OSBPL10: variants seen among roughly 807,000 people sequenced by gnomAD.
The protein encoded by OSBPL10 is oxysterol-binding protein-related protein 10.
Under a neutral mutation model 81.7 loss-of-function variants are expected in OSBPL10, and 49 were observed. The observed-to-expected ratio is 0.60, with a 90% CI of 0.48 to 0.76. The LOEUF (loss-of-function observed/expected upper bound fraction) is 0.76. OSBPL10 is among the 30% of genes least tolerant of loss of function. The pLI is 0.00. For synonymous variants in OSBPL10, 419 were observed against 383.6 expected (o/e 1.09, Z -1.08); for missense variants, 923 against 987.8 (o/e 0.93, Z 0.88).
rs531337943 is a variant in OSBPL10 at position 31,780,362 on chromosome 3, G to A, written c.730-32242C>T. 1.9e-4 allele frequency among the ~76,000 whole-genome samples: 29 copies of A among 151,868 alleles called. 1 individual carries two copies. Among genetic ancestry groups the A allele is most frequent in the Admixed American group, 3.9e-4 (6 of 15,242 alleles). On this transcript the variant is annotated intron_variant, in intron 4 of 11. Coordinates refer to ENST00000396556, the MANE Select transcript of OSBPL10 (RefSeq NM_017784.5). ...GACATAGCATTAAATGCCTACATTG[G>A]AAAATTTGAAAGAGCACAAATAGAT... is the stretch of plus-strand genomic sequence containing the variant.
intron 1 of OSBPL10, among the ~76,000 whole-genome samples, chr3:31,914,892 T>C (rs1179753370): frequency 6.6e-6 from 1 of 152,186 alleles, no homozygotes; most frequent in African/African-American, 2.4e-5. Context: ...GAAGGTTCCA[T>C]TGAACAGCAT....
intron 6 of OSBPL10, among the ~76,000 whole-genome samples, chr3:31,722,416 C>A (rs975348526): frequency 6.6e-6 from 1 of 152,048 alleles, no homozygotes; most frequent in Non-Finnish European, 1.5e-5. Context: ...TGATCTAGCA[C>A]ATCAATACCT....
At chr3:31,898,000 C>T (rs71323060) in intron 1 of OSBPL10, among the ~76,000 whole-genome samples, 1 of 93,014 alleles carries the variant, frequency 1.1e-5, no homozygotes, top group African/African-American at 3.9e-5. Context: ...ACAGCGAGAA[C>T]TCTGTCAAAA....
chr3:31,929,754 A>C (rs565836727), intron 1 of OSBPL10, among the ~76,000 whole-genome samples: 1 of 151,460 alleles, frequency 6.6e-6, no homozygotes, highest in Non-Finnish European at 1.5e-5. Context: ...TCTCAAAAAA[A>C]AAAAAAAAGG....
At chr3:31,810,347 C>T (rs1336306755) in intron 4 of OSBPL10, among the ~76,000 whole-genome samples, 1 of 151,946 alleles carries the variant, frequency 6.6e-6, no homozygotes, top group African/African-American at 2.4e-5. Context: ...TAATATGTCT[C>T]AATAAAGCTG....
intron 1 of OSBPL10, among the ~76,000 whole-genome samples, chr3:31,961,800 C>A (rs1272572069): frequency 6.6e-6 from 1 of 151,932 alleles, no homozygotes; most frequent in African/African-American, 2.4e-5. Context: ...AATTAATGTA[C>A]ACCAGCAGAT....
chr3:31,995,729 T>C (rs1292391007), intron 2 of OSBPL10, among the ~76,000 whole-genome samples: 2 of 152,224 alleles, frequency 1.3e-5, no homozygotes, highest in Non-Finnish European at 2.9e-5. Context: ...TAAATGTCCA[T>C]GAAATCTTCA....
At chr3:32,052,029 T>G (rs1384799878) in intron 1 of OSBPL10, among the ~76,000 whole-genome samples, 1 of 152,062 alleles carries the variant, frequency 6.6e-6, no homozygotes, top group Non-Finnish European at 1.5e-5. Context: ...GGTGATCACC[T>G]GAGCTCAGGA....
chr3:31,921,596 A>G (rs1174734231), intron 1 of OSBPL10, among the ~76,000 whole-genome samples: 1 of 152,230 alleles, frequency 6.6e-6, no homozygotes, highest in Non-Finnish European at 1.5e-5. Context: ...ATGATTCCAT[A>G]CTGATATGAA....
At chr3:31,688,568 C>CA (rs1700858382) in intron 7 of OSBPL10, among the ~76,000 whole-genome samples, 1 of 152,138 alleles carries the variant, frequency 6.6e-6, no homozygotes, top group East Asian at 1.9e-4. Flanking sequence ...TAATACCTAG[C>CA]AAAAAACAAG....
intron 5 of OSBPL10, among the ~76,000 whole-genome samples, chr3:31,737,200 C>T (rs1310172224): frequency 5.3e-5 from 8 of 152,136 alleles, no homozygotes; most frequent in African/African-American, 9.7e-5. Context: ...ATGAGAAAGA[C>T]GCCCATCTCA....
intron 1 of OSBPL10, among the ~76,000 whole-genome samples, chr3:32,055,972 G>A (rs1409714803): frequency 6.6e-6 from 1 of 152,132 alleles, no homozygotes; most frequent in Non-Finnish European, 1.5e-5. Context: ...GATTCCTTAT[G>A]AAACAAAGTT....
At chr3:31,742,156 A>G (rs1398855009) in intron 5 of OSBPL10, among the ~76,000 whole-genome samples, 3 of 152,262 alleles carry the variant, frequency 2.0e-5, no homozygotes, top group African/African-American at 7.2e-5. Context: ...GTCAGGAAAG[A>G]AAGTATAACA....
rs533534566 is a variant in OSBPL10 at position 31,688,921 on chromosome 3, T to C, written c.1246-4807A>G. Among the ~76,000 whole-genome samples, 4 of 152,252 alleles carry C rather than the reference T, an allele frequency of 2.6e-5. No homozygotes were observed. In the East Asian group the frequency reaches 7.7e-4, roughly 29 times the overall value. ...CTCTTCTGGATCTCCTAAGACACCT[T>C]TGGGGCCAAAAAGAATGTGGCTGGA... On this transcript the variant is annotated intron_variant, in intron 7 of 11. Coordinates refer to ENST00000396556, the MANE Select transcript of OSBPL10 (RefSeq NM_017784.5).
chr3:31,825,672 C>T (rs1431503807), intron 4 of OSBPL10, among the ~76,000 whole-genome samples: 1 of 152,112 alleles, frequency 6.6e-6, no homozygotes, highest in African/African-American at 2.4e-5. Flanking sequence ...GATTATATTC[C>T]TTTTGGGGGC....
chr3:32,013,381 G>A (rs1178882791), intron 2 of OSBPL10, among the ~76,000 whole-genome samples: 3 of 152,142 alleles, frequency 2.0e-5, no homozygotes, highest in Non-Finnish European at 4.4e-5. Context: ...AAATAAAGAT[G>A]TTCTTTGAAA....
At chr3:31,765,514 G>A (rs11715224) in intron 4 of OSBPL10, among the ~76,000 whole-genome samples, 1 of 151,476 alleles carries the variant, frequency 6.6e-6, no homozygotes, top group East Asian at 2.0e-4. Context: ...ATGAATGAAT[G>A]AATGAATATA....
chr3:31,866,432 C>A (rs754849489), intron 3 of OSBPL10, among the ~76,000 whole-genome samples: 4 of 152,132 alleles, frequency 2.6e-5, no homozygotes, highest in Non-Finnish European at 4.4e-5. Flanking sequence ...GGACACACAG[C>A]CTTCAGGAAG....
intron 1 of OSBPL10, among the ~76,000 whole-genome samples, chr3:32,075,976 T>C (rs959117297): frequency 1.5e-4 from 23 of 152,222 alleles, no homozygotes; most frequent in Admixed American, 4.6e-4. Flanking sequence ...AAGAAGTTTC[T>C]TTGTAATTCT....
Sources: gnomAD v4.1 joint callset for allele counts (sites outside exome capture counted in the v4.1 genomes callset) on GRCh38, gnomAD v4.1.1 for gene constraint, MANE v1.5 for transcripts, NCBI Gene and HGNC (gene_info 2026-07-23, HGNC 2026-07-21) for gene names.